Variants in SDK1 observed in about 807,000 individuals in gnomAD.
SDK1 encodes the protein sidekick cell adhesion molecule 1, also known as protein sidekick-1.
A neutral mutation model predicts 245.5 loss-of-function variants in SDK1; 157 were observed. That is an observed-to-expected ratio of 0.64 (90% CI 0.56 to 0.73). The LOEUF (loss-of-function observed/expected upper bound fraction) is 0.73, where lower values mean the gene tolerates loss of function less well. Among genes scored for constraint, SDK1 ranks in the 30% least tolerant of loss-of-function variants. SDK1 has a pLI of 0.00. For missense variants in SDK1, 3,583 were observed against 3,002.3 expected, an observed-to-expected ratio of 1.19 and a Z score of -4.52; for synonymous variants, 1,647 against 1,278.5, an observed-to-expected ratio of 1.29 and a Z score of -6.15.
chr7:4,170,575 T>C (rs968222309), intron 32 of SDK1, among the ~76,000 whole-genome samples: 5 of 152,174 alleles, frequency 3.3e-5, no homozygotes, highest in Admixed American at 2.0e-4. Flanking sequence ...GGTGCTTTCA[T>C]CACGACACTG....
intron 4 of SDK1, among the ~76,000 whole-genome samples, chr7:3,739,452 C>G (rs959888629): frequency 6.6e-6 from 1 of 152,140 alleles, no homozygotes; most frequent in Non-Finnish European, 1.5e-5. Context: ...GTTGGCATCT[C>G]ATATTTTTCT....
At chr7:4,155,633 G>A (rs74540872) in intron 30 of SDK1, among the ~76,000 whole-genome samples, 2,560 of 152,258 alleles carry the variant, frequency 0.017, 87 homozygotes, top group East Asian at 0.13. Context: ...AAATAAATAA[G>A]TAAACAAATC....
chr7:3,336,582 G>A lies in SDK1; in HGVS notation c.298+34698G>A, dbSNP rs566176767. Among the ~76,000 whole-genome samples the A allele has an allele frequency of 7.0e-4, 106 of 152,260 alleles. 1 individual carries two copies. The highest frequency in any genetic ancestry group is 2.5e-3 in the African/African-American group (103 of 41,566). On this transcript the variant is annotated intron_variant, in intron 1 of 44. Coordinates refer to ENST00000404826, the MANE Select transcript of SDK1 (RefSeq NM_152744.4). ...GGTGGCAAATGAGGTATGGAGGAGC[G>A]GAGCATGCTGGCACTCCCCACCTCC... is the stretch of plus-strand genomic sequence containing the variant.
chr7:3,466,479 A>T (rs575976283), intron 1 of SDK1, among the ~76,000 whole-genome samples: 39 of 145,766 alleles, frequency 2.7e-4, no homozygotes, highest in Non-Finnish European at 5.3e-4. Flanking sequence ...AATCTCAAGG[A>T]TCCAGCTAAG....
At chr7:4,231,065 C>G (rs1408033620) in intron 40 of SDK1, among the ~76,000 whole-genome samples, 2 of 152,148 alleles carry the variant, frequency 1.3e-5, no homozygotes, top group African/African-American at 4.8e-5. Context: ...AGTAAATGCA[C>G]AAGCCTTCCC....
intron 5 of SDK1, among the ~76,000 whole-genome samples, chr7:3,876,690 G>T (rs1781085959): frequency 1.3e-5 from 2 of 152,170 alleles, no homozygotes; most frequent in Non-Finnish European, 2.9e-5. Context: ...AATGAAAGAT[G>T]TTTTTGGAGA....
At chr7:3,674,018 G>A (rs750423109) in intron 4 of SDK1, among the ~76,000 whole-genome samples, 1 of 152,098 alleles carries the variant, frequency 6.6e-6, no homozygotes, top group Non-Finnish European at 1.5e-5. Flanking sequence ...TTTGATCATG[G>A]AGTTTTTAAA....
chr7:3,348,318 C>T (rs1180588848), intron 1 of SDK1, among the ~76,000 whole-genome samples: 3 of 152,098 alleles, frequency 2.0e-5, no homozygotes, highest in African/African-American at 4.8e-5. Context: ...ACAGTTGTTA[C>T]GAAGGTAAGT....
chr7:3,887,371 C>T (rs1441120985), intron 5 of SDK1, among the ~76,000 whole-genome samples: 4 of 152,168 alleles, frequency 2.6e-5, no homozygotes, highest in Admixed American at 2.6e-4. Flanking sequence ...TACAATCTTC[C>T]TTGTGCCTCG....
intron 5 of SDK1, among the ~76,000 whole-genome samples, chr7:3,872,836 C>T (rs777632002): frequency 6.6e-6 from 1 of 151,988 alleles, no homozygotes; most frequent in Non-Finnish European, 1.5e-5. Context: ...CTGCTTCACA[C>T]GGAGTATAAG....
chr7:3,962,705 G>A lies in SDK1; in HGVS notation c.1283G>A (p.Ser428Asn), dbSNP rs767777240. 5.6e-6 allele frequency: 9 copies of A among 1,613,742 alleles called. No homozygotes were observed. In the East Asian group the frequency reaches 2.0e-4, roughly 36 times the overall value. ...LQWYKDAISI[S>N]RLQNPRYKVL... ...TGGTACAAGGATGCCATCTCCATCA[G>A]CAGGCTCCAGAATCCTCGATACAAA... Residue 428 changes from serine to asparagine, a missense_variant, in exon 9 of 45, where the codon AGC (serine) becomes AAC (asparagine). By Grantham distance (46) the Ser-to-Asn change is conservative (BLOSUM62 1). Transcript: ENST00000404826.
chr7:3,615,101 T>A (rs984639708), intron 1 of SDK1, among the ~76,000 whole-genome samples: 1 of 151,718 alleles, frequency 6.6e-6, no homozygotes, highest in African/African-American at 2.4e-5. Context: ...TTTTTGAGTT[T>A]CTATCTCGAA....
rs373472321 is a variant in SDK1 at position 3,807,467 on chromosome 7, G to A, written c.714-13983G>A. On this transcript the variant is annotated intron_variant, in intron 4 of 44. Coordinates refer to ENST00000404826, the MANE Select transcript of SDK1 (RefSeq NM_152744.4). Reference sequence around the variant, plus strand: ...TTCAGAAAATCTACCCCTGCATTTCGTCACCAGTTTTGTGATCCCCTCTAC... The same window carrying A: ...TTCAGAAAATCTACCCCTGCATTTCATCACCAGTTTTGTGATCCCCTCTAC... Among the ~76,000 whole-genome samples the A allele has an allele frequency of 4.6e-4, 70 of 152,250 alleles. 1 individual carries two copies. Among genetic ancestry groups the A allele is most frequent in the African/African-American group, 1.6e-3 (66 of 41,516 alleles).
At position 4,145,872 on chromosome 7, in the gene SDK1, G is replaced by A; in HGVS notation, c.4379G>A (p.Trp1460Ter). ...CTGTCCGCCAAGACGAGGCAGGGCT[G>A]GGGGGAGCCACTGGAGGCCACCGTC... is the stretch of plus-strand genomic sequence containing the variant. Reference protein sequence around the residue: ...FRLSAKTRQGWGEPLEATVIT... With the variant: ...FRLSAKTRQG The change falls in exon 29 of 45, where the codon TGG becomes TAG. Residue 1460 changes from tryptophan to a stop codon, truncating the protein, a stop_gained. Transcript: ENST00000404826. LOFTEE classifies it high-confidence loss of function. 1 of 1,612,868 alleles carries A rather than the reference G, an allele frequency of 6.2e-7. No individual in the cohort carries two copies. Among genetic ancestry groups the A allele is most frequent in the Non-Finnish European group, 8.5e-7 (1 of 1,179,516 alleles).
At chr7:3,863,124 C>T (rs916584906) in intron 5 of SDK1, among the ~76,000 whole-genome samples, 2 of 152,206 alleles carry the variant, frequency 1.3e-5, no homozygotes, top group Admixed American at 6.5e-5. Context: ...GGTGCAAACC[C>T]TCAGCCTGGT....
chr7:3,561,601 T>C (rs1779754148), intron 1 of SDK1, among the ~76,000 whole-genome samples: 1 of 152,208 alleles, frequency 6.6e-6, no homozygotes, highest in South Asian at 2.1e-4. Flanking sequence ...ACATGGTAAA[T>C]GCTCAGTAAA....
intron 28 of SDK1, among the ~76,000 whole-genome samples, chr7:4,139,870 G>T (rs1005073558): frequency 2.0e-5 from 3 of 152,132 alleles, no homozygotes; most frequent in African/African-American, 7.2e-5. Context: ...TTGGAGCTGG[G>T]TGGAGCCCTC....
intron 19 of SDK1, among the ~76,000 whole-genome samples, chr7:4,061,448 G>C (rs988512334): frequency 3.3e-5 from 5 of 152,072 alleles, no homozygotes; most frequent in African/African-American, 4.8e-5. Context: ...TCTCACACCA[G>C]TTAGAATGGC....
At chr7:3,558,462 G>T (rs1158488259) in intron 1 of SDK1, among the ~76,000 whole-genome samples, 2 of 152,208 alleles carry the variant, frequency 1.3e-5, no homozygotes, top group Non-Finnish European at 2.9e-5. Context: ...TGTTTGAAAA[G>T]ATCATAGAGA....
Sources: allele counts gnomAD v4.1 joint callset (sites outside exome capture counted in the v4.1 genomes callset), GRCh38; gene constraint gnomAD v4.1.1; transcripts MANE v1.5; gene names NCBI Gene and HGNC (gene_info 2026-07-23, HGNC 2026-07-21).